Variants in PCDHA6 observed in about 807,000 individuals in gnomAD.
The protein encoded by PCDHA6 is protocadherin alpha 6, also known as protocadherin alpha-6.
PCDHA6 carries 55 observed loss-of-function variants against 60.3 expected under a neutral mutation model. The observed-to-expected ratio is 0.91, with a 90% CI of 0.73 to 1.14. The LOEUF (loss-of-function observed/expected upper bound fraction) is 1.14. Ranked by LOEUF, PCDHA6 falls within the 50% of genes most tolerant of loss-of-function variation. The pLI is 0.00. For missense variants in PCDHA6, 1,327 were observed against 1,256.5 expected, an observed-to-expected ratio of 1.06 and a Z score of -0.85; for synonymous variants, 652 against 557.9, an observed-to-expected ratio of 1.17 and a Z score of -2.38.
At chr5:140,968,841 A>G in intron 1 of PCDHA6, 1 of 1,614,222 alleles carries the variant, frequency 6.2e-7, no homozygotes, top group Middle Eastern at 1.6e-4. Context: ...CCTGACACTC[A>G]GAGGCATGTT....
At chr5:140,843,948 A>G (rs1465306903) in intron 1 of PCDHA6, 4 of 562,382 alleles carry the variant, frequency 7.1e-6, no homozygotes, top group Non-Finnish European at 9.4e-6. Flanking sequence ...GATGATATCC[A>G]TTTTTTACTG....
intron 3 of PCDHA6, among the ~76,000 whole-genome samples, chr5:141,000,001 T>C (rs2097888294): frequency 6.6e-6 from 1 of 152,030 alleles, no homozygotes; most frequent in African/African-American, 2.4e-5. Flanking sequence ...TGGTATTAGA[T>C]TGGCCTCCCC....
intron 1 of PCDHA6, chr5:140,869,197 C>T: frequency 6.2e-7 from 1 of 1,614,026 alleles, no homozygotes; most frequent in Non-Finnish European, 8.5e-7. Context: ...CGGCCAGCTC[C>T]ACTACTCCGT....
At chr5:140,950,080 C>G (rs528804395) in intron 1 of PCDHA6, among the ~76,000 whole-genome samples, 2 of 151,836 alleles carry the variant, frequency 1.3e-5, no homozygotes, top group Admixed American at 1.3e-4. Context: ...ATTGCTTATG[C>G]TATAGTTTTC....
chr5:140,882,453 G>A, intron 1 of PCDHA6: 3 of 1,614,042 alleles, frequency 1.9e-6, no homozygotes, highest in Non-Finnish European at 2.5e-6. Flanking sequence ...CTGGTGCCGC[G>A]CCTGTTCCGG....
rs1422466475 is a variant in PCDHA6 at position 140,877,665 on chromosome 5, G to A, written c.2394+47180G>A. 5.0e-6 allele frequency: 8 copies of A among 1,613,522 alleles called. No homozygotes were observed. In the African/African-American group the frequency reaches 8.0e-5, roughly 16 times the overall value. On this transcript the variant is annotated intron_variant, in intron 1 of 3. Coordinates refer to ENST00000529310, the MANE Select transcript of PCDHA6 (RefSeq NM_018909.4). ...GCTCAGCGCCGCCCACCGTGAGCCGGTGCGCGCCGGGCAAGCCCACGCTGG... is the reference window on the plus strand; with the variant it reads ...GCTCAGCGCCGCCCACCGTGAGCCGATGCGCGCCGGGCAAGCCCACGCTGG...
intron 1 of PCDHA6, among the ~76,000 whole-genome samples, chr5:140,921,264 T>C (rs2080129104): frequency 6.6e-6 from 1 of 152,210 alleles, no homozygotes; most frequent in Non-Finnish European, 1.5e-5. Flanking sequence ...CCTAGACTTT[T>C]ATACTTACTT....
intron 2 of PCDHA6, 175 bp downstream of exon 2, chr5:140,979,182 A>C: frequency 2.6e-5 from 24 of 928,990 alleles, no homozygotes; most frequent in Non-Finnish European, 3.1e-5. Context: ...GCAAATGGTC[A>C]GTGCCAGATG....
intron 1 of PCDHA6, among the ~76,000 whole-genome samples, chr5:140,964,925 T>C (rs1586044682): frequency 6.6e-6 from 1 of 152,148 alleles, no homozygotes; most frequent in African/African-American, 2.4e-5. Flanking sequence ...ACTGGCTAGG[T>C]AGTGGAGCAT....
intron 1 of PCDHA6, among the ~76,000 whole-genome samples, chr5:140,923,958 T>C (rs1447655640): frequency 1.3e-5 from 2 of 152,216 alleles, no homozygotes; most frequent in Admixed American, 6.5e-5. Context: ...CACGCCCTAA[T>C]CTATACCCAC....
chr5:140,904,747 A>T (rs1462923024), intron 1 of PCDHA6, among the ~76,000 whole-genome samples: 1 of 151,918 alleles, frequency 6.6e-6, no homozygotes, highest in Non-Finnish European at 1.5e-5. Context: ...TATTATGACC[A>T]TTTTTGCAAG....
chr5:140,889,063 A>G (rs1423499022), intron 1 of PCDHA6, among the ~76,000 whole-genome samples: 2 of 151,938 alleles, frequency 1.3e-5, no homozygotes, highest in Non-Finnish European at 2.9e-5. Context: ...CTTTTAATAT[A>G]CTACTTATTT....
chr5:140,913,219 C>A (rs2076256091), intron 1 of PCDHA6, among the ~76,000 whole-genome samples: 2 of 152,122 alleles, frequency 1.3e-5, no homozygotes, highest in Non-Finnish European at 2.9e-5. Context: ...GGGTCCCAGG[C>A]TTTACTTTGC....
chr5:140,946,631 T>TATATATATATATATATATATACAC lies in PCDHA6; in HGVS notation c.2395-32317_2395-32316insTATATATATATATATATATACACA, dbSNP rs57893927. Among the ~76,000 whole-genome samples, 100 of 131,838 alleles carry TATATATATATATATATATATACAC rather than the reference T, an allele frequency of 7.6e-4. 3 individuals carry two copies. Among genetic ancestry groups the TATATATATATATATATATATACAC allele is most frequent in the African/African-American group, 2.6e-3 (76 of 28,714 alleles). The allele number at this position is 131,838 out of a possible 152,430, so 86.5% of individuals were successfully genotyped here. A position where few individuals can be genotyped will look rare whatever the true frequency, so the allele number is the denominator to read the frequency against. On this transcript the variant is annotated intron_variant, in intron 1 of 3. Transcript: ENST00000529310. ...TGTGAAATATATATATATATATATA[T>TATATATATATATATATATATACAC]ACAATGGAATACTCATCAGCCATTA...
In PCDHA6 at chr5:140,850,072, A is replaced by C. The variant is rs2150465925; in HGVS notation, c.2394+19587A>C. 113 of 1,596,472 alleles carry C rather than the reference A, an allele frequency of 7.1e-5. 13 individuals are homozygous for C. The Admixed American group carries it at 1.8e-3, about 25-fold the overall frequency. On this transcript the variant is annotated intron_variant, in intron 1 of 3. Coordinates refer to ENST00000529310, the MANE Select transcript of PCDHA6 (RefSeq NM_018909.4). The stretch of plus-strand genomic sequence containing the variant: ...TACGCGCTGCAGCCGTTGGACCACG[A>C]GGAGCTGGAGCTGCTACAGTTCCAG...
intron 1 of PCDHA6, among the ~76,000 whole-genome samples, chr5:140,908,042 C>T (rs2073761027): frequency 1.3e-5 from 2 of 152,196 alleles, no homozygotes; most frequent in African/African-American, 2.4e-5. Context: ...TATATAATTG[C>T]ACATCCGGCC....
intron 3 of PCDHA6, among the ~76,000 whole-genome samples, chr5:140,989,918 G>A (rs1554251173): frequency 6.6e-6 from 1 of 151,960 alleles, no homozygotes; most frequent in East Asian, 1.9e-4. Flanking sequence ...AAGAGGGAGA[G>A]CAGAGATAGA....
At chr5:140,966,749 C>T (rs1554228607) in intron 1 of PCDHA6, 1 of 1,428,076 alleles carries the variant, frequency 7.0e-7, no homozygotes, top group Middle Eastern at 2.5e-4. Flanking sequence ...CCGGCTGCCT[C>T]CGCCGCGGCC....
At chr5:140,862,433 G>A (rs781821294) in intron 1 of PCDHA6, 31 of 354,884 alleles carry the variant, frequency 8.7e-5, no homozygotes, top group Admixed American at 2.6e-4. Context: ...GAAACTATTC[G>A]TTGGTACTCC....
Sources: allele counts gnomAD v4.1 joint callset (sites outside exome capture counted in the v4.1 genomes callset), GRCh38; gene constraint gnomAD v4.1.1; transcripts MANE v1.5; gene names NCBI Gene and HGNC (gene_info 2026-07-23, HGNC 2026-07-21).